The following GPC5 variants were observed in gnomAD, a reference collection of about 807,000 sequenced individuals.
The protein encoded by GPC5 is glypican 5.
Under a neutral mutation model 53.9 loss-of-function variants are expected in GPC5, and 47 were observed. That is an observed-to-expected ratio of 0.87 (90% confidence interval 0.69 to 1.11). The LOEUF (loss-of-function observed/expected upper bound fraction) is 1.11. Ranked by LOEUF, GPC5 falls within the 50% of genes most tolerant of loss-of-function variation. The probability of loss-of-function intolerance (pLI) is 0.00; values close to 1 mark genes in which losing one functional copy is unlikely to be tolerated. For synonymous variants in GPC5, 286 were observed against 263.3 expected (o/e 1.09, Z -0.84); for missense variants, 748 against 713.1 (o/e 1.05, Z -0.56).
At chr13:92,317,217 A>G (rs2043185158) in intron 7 of GPC5, among the ~76,000 whole-genome samples, 5 of 152,274 alleles carry the variant, frequency 3.3e-5, no homozygotes, top group African/African-American at 4.8e-5. Context: ...AAAAGTCATC[A>G]TCATGATAGA....
intron 2 of GPC5, among the ~76,000 whole-genome samples, chr13:91,582,369 T>A (rs1482010879): frequency 6.6e-6 from 1 of 152,198 alleles, no homozygotes; most frequent in Non-Finnish European, 1.5e-5. Flanking sequence ...GGCTTCAAGT[T>A]ATCTCTTTAA....
chr13:91,962,555 G>C (rs554035351), intron 6 of GPC5, among the ~76,000 whole-genome samples: 3 of 152,162 alleles, frequency 2.0e-5, no homozygotes, highest in Non-Finnish European at 4.4e-5. Context: ...TTGTTGCACA[G>C]TCTTAGTATT....
chr13:92,383,732 A>G (rs940899491), intron 7 of GPC5, among the ~76,000 whole-genome samples: 8 of 152,200 alleles, frequency 5.3e-5, no homozygotes, highest in Non-Finnish European at 8.8e-5. Flanking sequence ...AGAAAGATAC[A>G]TCAATTAATG....
chr13:91,422,407 G>A (rs2138988673), intron 1 of GPC5, among the ~76,000 whole-genome samples: 1 of 152,180 alleles, frequency 6.6e-6, no homozygotes, highest in African/African-American at 2.4e-5. Context: ...AGGCCGAGGT[G>A]GGTGGATCAC....
intron 7 of GPC5, among the ~76,000 whole-genome samples, chr13:92,441,342 T>G (rs964540327): frequency 2.0e-5 from 3 of 152,238 alleles, no homozygotes; most frequent in Non-Finnish European, 2.9e-5. Flanking sequence ...GTGCTGGGAC[T>G]ACAGGCGTGA....
intron 2 of GPC5, among the ~76,000 whole-genome samples, chr13:91,540,630 A>T (rs2029880669): frequency 1.3e-5 from 2 of 152,244 alleles, no homozygotes; most frequent in African/African-American, 4.8e-5. Flanking sequence ...ATACTTCAAT[A>T]AAGCAGTTAC....
intron 7 of GPC5, among the ~76,000 whole-genome samples, chr13:92,641,883 C>T (rs1305424638): frequency 6.6e-6 from 1 of 151,986 alleles, no homozygotes; most frequent in Admixed American, 6.6e-5. Context: ...GGACATATTC[C>T]TTAATTTTAC....
chr13:91,919,638 T>G (rs2039691856), intron 6 of GPC5, among the ~76,000 whole-genome samples: 1 of 152,138 alleles, frequency 6.6e-6, no homozygotes, highest in Non-Finnish European at 1.5e-5. Context: ...CATGGAAATA[T>G]GCGAAAGACA....
At chr13:92,081,232 G>A (rs1237943900) in intron 6 of GPC5, among the ~76,000 whole-genome samples, 1 of 152,090 alleles carries the variant, frequency 6.6e-6, no homozygotes, top group Non-Finnish European at 1.5e-5. Context: ...CTTATGAGTA[G>A]CTGGGATTAC....
At chr13:92,280,194 T>G (rs1294397048) in intron 7 of GPC5, among the ~76,000 whole-genome samples, 1 of 152,152 alleles carries the variant, frequency 6.6e-6, no homozygotes, top group Non-Finnish European at 1.5e-5. Flanking sequence ...TCTCTTGCAA[T>G]TCTTGTAATT....
intron 7 of GPC5, among the ~76,000 whole-genome samples, chr13:92,395,545 T>G (rs1875229123): frequency 6.6e-6 from 1 of 152,222 alleles, no homozygotes; most frequent in Non-Finnish European, 1.5e-5. Flanking sequence ...AAACCTTTAT[T>G]CCATCTTCAA....
chr13:92,769,562 C>T (rs1875534782), intron 7 of GPC5, among the ~76,000 whole-genome samples: 1 of 152,052 alleles, frequency 6.6e-6, no homozygotes, highest in Admixed American at 6.6e-5. Flanking sequence ...ACATGGTGAG[C>T]TCCACCTCAC....
chr13:91,693,719 G>C lies in GPC5; in HGVS notation c.858G>C (p.Ala286=), dbSNP rs566070268. The C allele has an allele frequency of 6.2e-7, 1 of 1,614,016 alleles. No individual in the cohort carries two copies. Among genetic ancestry groups the C allele is most frequent in the Non-Finnish European group, 8.5e-7 (1 of 1,180,010 alleles). The part of the protein sequence containing the change: ...NVMRGCLAHM[A]ELNPHWHAYI... ...TGCGAGGCTGCCTGGCGCACATGGCGGAGCTTAATCCACACTGGCATGCAT... is the reference window on the plus strand; with the variant it reads ...TGCGAGGCTGCCTGGCGCACATGGCCGAGCTTAATCCACACTGGCATGCAT... The change falls in exon 3 of 8, where the codon GCG becomes GCC. Residue 286 remains alanine, a synonymous_variant. Transcript: ENST00000377067.
At chr13:92,277,711 T>A (rs1303221379) in intron 7 of GPC5, among the ~76,000 whole-genome samples, 1 of 151,934 alleles carries the variant, frequency 6.6e-6, no homozygotes, top group Non-Finnish European at 1.5e-5. Flanking sequence ...CTGAAGTTGT[T>A]AAAAATTTTG....
chr13:91,496,925 A>G (rs1884300238), intron 2 of GPC5, among the ~76,000 whole-genome samples: 3 of 152,196 alleles, frequency 2.0e-5, no homozygotes, highest in Non-Finnish European at 4.4e-5. Context: ...GCAACAGTTA[A>G]AAATAGAAAA....
intron 3 of GPC5, among the ~76,000 whole-genome samples, chr13:91,698,801 C>T (rs2035935655): frequency 1.3e-5 from 2 of 152,152 alleles, no homozygotes; most frequent in Admixed American, 1.3e-4. Flanking sequence ...CAGTCTAGTG[C>T]AGTGTGGGAG....
intron 5 of GPC5, among the ~76,000 whole-genome samples, chr13:91,798,574 C>T (rs2038084731): frequency 6.6e-6 from 1 of 152,170 alleles, no homozygotes; most frequent in African/African-American, 2.4e-5. Context: ...ACCACATTGT[C>T]TTTATCCAGT....
At chr13:92,192,728 C>T (rs933600973) in intron 7 of GPC5, among the ~76,000 whole-genome samples, 4 of 151,988 alleles carry the variant, frequency 2.6e-5, no homozygotes, top group Admixed American at 2.6e-4. Flanking sequence ...ATGTCTATGC[C>T]CACGTATGGG....
chr13:92,493,493 T>C (rs1448878856), intron 7 of GPC5, among the ~76,000 whole-genome samples: 1 of 151,946 alleles, frequency 6.6e-6, no homozygotes, highest in Non-Finnish European at 1.5e-5. Flanking sequence ...AACGATAATA[T>C]TTCATTTGTG....
Sources: allele counts gnomAD v4.1 joint callset (sites outside exome capture counted in the v4.1 genomes callset), GRCh38; gene constraint gnomAD v4.1.1; transcripts MANE v1.5; gene names NCBI Gene and HGNC (gene_info 2026-07-23, HGNC 2026-07-21).